The following KCNMA1 variants were observed in gnomAD, a reference collection of about 807,000 sequenced individuals.
KCNMA1 encodes Calcium-activated potassium channel subunit alpha-1.
Under a neutral mutation model 140.0 loss-of-function variants are expected in KCNMA1, and 29 were observed. That is an observed-to-expected ratio of 0.21 (90% confidence interval 0.15 to 0.28). The LOEUF (loss-of-function observed/expected upper bound fraction) is 0.28, where lower values mean the gene tolerates loss of function less well. Among genes scored for constraint, KCNMA1 ranks in the 10% least tolerant of loss-of-function variants. The pLI is 1.00. For synonymous variants in KCNMA1, 612 were observed against 611.9 expected (o/e 1.00, Z 0.00); for missense variants, 880 against 1,602.2 (o/e 0.55, Z 7.70).
Position 76,995,413 on chromosome 10 carries a change from A to G in KCNMA1, c.2266+5994T>C, listed in dbSNP as rs141997050. ...CGAGGCTCCTGGTGCAGGTGGAGGA[A>G]AGAGGCAGAGACGGACTTGACATTT... On this transcript the variant is annotated intron_variant, in intron 19 of 27. Transcript: ENST00000286628. 69 of 379,460 alleles carry G rather than the reference A, an allele frequency of 1.8e-4. No homozygotes were observed. The Middle Eastern group carries it at 4.7e-3, about 26-fold the overall frequency. 23.5% of individuals were successfully genotyped at this position (379,460 alleles called of 1,614,324 possible).
At chr10:76,896,556 A>G (rs1231565321) in intron 25 of KCNMA1, among the ~76,000 whole-genome samples, 1 of 152,240 alleles carries the variant, frequency 6.6e-6, no homozygotes, top group Non-Finnish European at 1.5e-5. Flanking sequence ...TATTAAGAGT[A>G]CTGATTGGGG....
intron 1 of KCNMA1, among the ~76,000 whole-genome samples, chr10:77,412,078 G>T (rs1343160800): frequency 6.6e-6 from 1 of 152,212 alleles, no homozygotes; most frequent in Non-Finnish European, 1.5e-5. Context: ...GATCAGGTTA[G>T]CACAAAACCA....
intron 3 of KCNMA1, among the ~76,000 whole-genome samples, chr10:77,186,476 G>C (rs1482877249): frequency 6.6e-6 from 1 of 152,138 alleles, no homozygotes; most frequent in African/African-American, 2.4e-5. Flanking sequence ...GGAGACACAA[G>C]CAAGGAAGCC....
At chr10:76,907,955 G>T (rs1175209344) in intron 25 of KCNMA1, among the ~76,000 whole-genome samples, 1 of 152,062 alleles carries the variant, frequency 6.6e-6, no homozygotes, top group Non-Finnish European at 1.5e-5. Context: ...CTAAATATCT[G>T]ATATGTAGAA....
chr10:77,436,990 A>ACAC (rs2097277608), intron 1 of KCNMA1, among the ~76,000 whole-genome samples: 1 of 148,428 alleles, frequency 6.7e-6, no homozygotes, highest in South Asian at 2.1e-4. Flanking sequence ...ACACACACAC[A>ACAC]CACACACTCC....
At chr10:77,492,056 A>G (rs2040140179) in intron 1 of KCNMA1, among the ~76,000 whole-genome samples, 1 of 152,140 alleles carries the variant, frequency 6.6e-6, no homozygotes, top group Non-Finnish European at 1.5e-5. Flanking sequence ...TTCACTGGGG[A>G]TGGGCAGCAA....
chr10:76,948,966 G>A (rs967188776), intron 22 of KCNMA1, 176 bp downstream of exon 22: 15 of 682,818 alleles, frequency 2.2e-5, no homozygotes, highest in Admixed American at 6.6e-5. Context: ...TTTTAATAAG[G>A]TCTCCCAGGG....
chr10:77,142,319 C>T, intron 5 of KCNMA1, among the ~76,000 whole-genome samples: 1 of 148,842 alleles, frequency 6.7e-6, no homozygotes, highest in Non-Finnish European at 1.5e-5. Flanking sequence ...TGCAGTAAGC[C>T]AAGATAGTGC....
At chr10:76,925,865 T>C (rs1031964182) in intron 23 of KCNMA1, among the ~76,000 whole-genome samples, 2 of 152,214 alleles carry the variant, frequency 1.3e-5, no homozygotes, top group African/African-American at 4.8e-5. Context: ...AAGATGGGTT[T>C]GCCAAGTGAT....
At chr10:77,218,844 A>G (rs1256582882) in intron 3 of KCNMA1, among the ~76,000 whole-genome samples, 1 of 151,988 alleles carries the variant, frequency 6.6e-6, no homozygotes, top group African/African-American at 2.4e-5. Context: ...ACGCCACCAT[A>G]TCCGGCTAAT....
intron 1 of KCNMA1, among the ~76,000 whole-genome samples, chr10:77,556,110 T>C (rs1179906354): frequency 6.6e-6 from 1 of 152,206 alleles, no homozygotes; most frequent in Non-Finnish European, 1.5e-5. Context: ...TTCTGCCAGT[T>C]ACCATCAGAG....
intron 2 of KCNMA1, among the ~76,000 whole-genome samples, chr10:77,257,548 A>G (rs1224667615): frequency 1.3e-5 from 2 of 152,152 alleles, no homozygotes; most frequent in Non-Finnish European, 2.9e-5. Context: ...AAGGAAGAAG[A>G]ATTTTTGACA....
intron 1 of KCNMA1, among the ~76,000 whole-genome samples, chr10:77,571,156 T>C (rs192505082): frequency 2.9e-3 from 446 of 152,332 alleles, no homozygotes; most frequent in Non-Finnish European, 5.3e-3. Context: ...TAAAATACAT[T>C]ACCTATTCCA....
At chr10:77,113,796 T>C (rs1329429638) in intron 6 of KCNMA1, among the ~76,000 whole-genome samples, 2 of 152,218 alleles carry the variant, frequency 1.3e-5, no homozygotes, top group Admixed American at 6.5e-5. Flanking sequence ...TTATTGTGTA[T>C]GTTTGAGGTT....
intron 1 of KCNMA1, among the ~76,000 whole-genome samples, chr10:77,423,733 T>C (rs1469735339): frequency 1.3e-5 from 2 of 152,126 alleles, no homozygotes; most frequent in African/African-American, 2.4e-5. Context: ...AGATGTTTTA[T>C]AGGGGGGACA....
intron 25 of KCNMA1, chr10:76,903,754 C>G (rs1156856913): frequency 1.3e-5 from 2 of 152,228 alleles, no homozygotes; most frequent in Non-Finnish European, 2.9e-5. Flanking sequence ...ACACCAGGTT[C>G]AAGGGTTTGG....
intron 2 of KCNMA1, among the ~76,000 whole-genome samples, chr10:77,255,688 G>T (rs1414427062): frequency 6.6e-6 from 1 of 151,956 alleles, no homozygotes; most frequent in Non-Finnish European, 1.5e-5. Flanking sequence ...CCGAGGTGGG[G>T]GGATCACGAG....
chr10:77,022,451 G>T (rs1249059543), intron 16 of KCNMA1, among the ~76,000 whole-genome samples: 1 of 152,190 alleles, frequency 6.6e-6, no homozygotes, highest in Non-Finnish European at 1.5e-5. Context: ...TCCAGTGACA[G>T]CTGGAAGCAC....
intron 1 of KCNMA1, among the ~76,000 whole-genome samples, chr10:77,527,865 C>T (rs1012172427): frequency 2.0e-5 from 3 of 152,054 alleles, no homozygotes; most frequent in Non-Finnish European, 2.9e-5. Context: ...CCATGCTGTG[C>T]GCACAGCCTC....
Sources: gnomAD v4.1 joint callset for allele counts (sites outside exome capture counted in the v4.1 genomes callset) on GRCh38, gnomAD v4.1.1 for gene constraint, MANE v1.5 for transcripts, NCBI Gene and HGNC (gene_info 2026-07-23, HGNC 2026-07-21) for gene names.